SH3GL2: variants seen among roughly 807,000 people sequenced by gnomAD.
The protein encoded by SH3GL2 is SH3 domain containing GRB2 like 2, endophilin A1.
In SH3GL2, 24 loss-of-function variants were observed where a neutral mutation model predicts 46.0. That is an observed-to-expected ratio of 0.52 (90% CI 0.38 to 0.73). The LOEUF is 0.73. Ranked by LOEUF, SH3GL2 falls within the 30% of genes least tolerant of loss-of-function variation. The probability of loss-of-function intolerance (pLI) is 0.00; values close to 1 mark genes in which losing one functional copy is unlikely to be tolerated. For synonymous variants in SH3GL2, 196 were observed against 147.1 expected (o/e 1.33, Z -2.40); for missense variants, 413 against 424.2 (o/e 0.97, Z 0.23).
chr9:17,740,988 C>CTGGCAGTGTGGGAGGTATGAAT, intron 1 of SH3GL2, among the ~76,000 whole-genome samples: 1 of 151,980 alleles, frequency 6.6e-6, no homozygotes, highest in East Asian at 1.9e-4. Context: ...ACTCTAAATC[C>CTGGCAGTGTGGGAGGTATGAAT]AATTTTTAAA....
At chr9:17,715,728 G>C (rs901568655) in intron 1 of SH3GL2, among the ~76,000 whole-genome samples, 1 of 150,510 alleles carries the variant, frequency 6.6e-6, no homozygotes, top group Non-Finnish European at 1.5e-5. Flanking sequence ...ATTATGTCCA[G>C]ATAAACCTAT....
At chr9:17,672,522 A>G (rs980675733) in intron 1 of SH3GL2, among the ~76,000 whole-genome samples, 1 of 152,154 alleles carries the variant, frequency 6.6e-6, no homozygotes, top group Non-Finnish European at 1.5e-5. Flanking sequence ...TTAAGTAGGC[A>G]TTTAGTTTTC....
chr9:17,717,648 G>A (rs1044308647), intron 1 of SH3GL2, among the ~76,000 whole-genome samples: 3 of 152,056 alleles, frequency 2.0e-5, no homozygotes, highest in African/African-American at 4.8e-5. Context: ...GACAAAGCGG[G>A]GGAAGAGAAG....
In SH3GL2 at chr9:17,739,968, C is replaced by G. The variant is rs937934922; in HGVS notation, c.46-7098C>G. On this transcript the variant is annotated intron_variant, in intron 1 of 8. Transcript: ENST00000380607. ...GGCAAGGAACAAAATAGGCTGGAAG[C>G]TGGGAAAAAGGCCAAGTACTTAACT... 2.0e-5 allele frequency among the ~76,000 whole-genome samples: 3 copies of G among 152,182 alleles called. No individual in the cohort carries two copies. In the East Asian group the frequency reaches 5.8e-4, roughly 29 times the overall value.
intron 5 of SH3GL2, among the ~76,000 whole-genome samples, chr9:17,788,456 C>T (rs1426030785): frequency 1.3e-5 from 2 of 151,990 alleles, no homozygotes; most frequent in Non-Finnish European, 2.9e-5. Flanking sequence ...TTAACTACTC[C>T]CTACTTTGTT....
intron 1 of SH3GL2, among the ~76,000 whole-genome samples, chr9:17,611,093 A>G (rs1284530119): frequency 6.6e-6 from 1 of 152,176 alleles, no homozygotes; most frequent in East Asian, 1.9e-4. Context: ...GACAGATGTA[A>G]AGAACTTCTT....
chr9:17,737,643 A>G (rs1822379718), intron 1 of SH3GL2, among the ~76,000 whole-genome samples: 2 of 152,176 alleles, frequency 1.3e-5, no homozygotes, highest in Admixed American at 1.3e-4. Flanking sequence ...TTTGACTGTT[A>G]TGACCTCTTT....
intron 3 of SH3GL2, among the ~76,000 whole-genome samples, chr9:17,766,426 G>C (rs1443373585): frequency 3.9e-5 from 6 of 152,294 alleles, no homozygotes; most frequent in Non-Finnish European, 8.8e-5. Flanking sequence ...TACGATATTT[G>C]TGAGCAAAAA....
In SH3GL2 at chr9:17,622,976, G is replaced by GTTTCCTTTCC. The variant is rs1554631073; in HGVS notation, c.45+43698_45+43699insCTTTCCTTTC. 1.7e-3 allele frequency among the ~76,000 whole-genome samples: 133 copies of GTTTCCTTTCC among 78,648 alleles called. 1 individual carries two copies. Among genetic ancestry groups the GTTTCCTTTCC allele is most frequent in the African/African-American group, 3.5e-3 (83 of 23,386 alleles). 51.6% of individuals were successfully genotyped at this position (78,648 alleles called of 152,430 possible). ...CCCTTCCTCCCTCCCTTTTCCTTTC[G>GTTTCCTTTCC]TTTCCTTTCGTTTCCTTTCCTTTCC... On this transcript the variant is annotated intron_variant, in intron 1 of 8. Coordinates refer to ENST00000380607, the MANE Select transcript of SH3GL2 (RefSeq NM_003026.5).
At chr9:17,603,208 G>T (rs541717653) in intron 1 of SH3GL2, among the ~76,000 whole-genome samples, 1 of 152,160 alleles carries the variant, frequency 6.6e-6, no homozygotes, top group Non-Finnish European at 1.5e-5. Context: ...TTATTAAAAA[G>T]CCAGCATTAT....
rs1398371813 is a variant in SH3GL2 at position 17,787,447 on chromosome 9, A to G, written c.399A>G (p.Ile133Met). 3 of 1,612,724 alleles carry G rather than the reference A, an allele frequency of 1.9e-6. No homozygotes were observed. The highest frequency in any genetic ancestry group is 1.7e-5 in the Admixed American group (1 of 59,964). The change falls in exon 5 of 9, where the codon ATA (isoleucine) becomes ATG (methionine). Residue 133 changes from isoleucine (I) to methionine (M), a missense_variant. Ile to Met is a conservative substitution (Grantham distance 10). Around this residue, in one of 3 missense-constraint regions of SH3GL2, gnomAD observed 160 missense variants for 192.3 expected, o/e 0.83. Transcript: ENST00000380607. ...ELSEVKDSLD[I>M]EVKQNFIDPL... ...CGGAGGTCAAAGACTCTTTGGACAT[A>G]GAAGTGAAGCAGAACTTCATTGACC...
At chr9:17,776,580 C>T (rs977515368) in intron 3 of SH3GL2, among the ~76,000 whole-genome samples, 1 of 151,776 alleles carries the variant, frequency 6.6e-6, no homozygotes, top group African/African-American at 2.4e-5. Flanking sequence ...TTATCAGGAA[C>T]ATTGTACTTA....
At chr9:17,787,179 C>G (rs140311172) in intron 4 of SH3GL2, among the ~76,000 whole-genome samples, 71 of 152,206 alleles carry the variant, frequency 4.7e-4, no homozygotes, top group Non-Finnish European at 6.6e-4. Context: ...GTAACTGTTC[C>G]ATTCTTGATG....
rs114373646 is a variant in SH3GL2, at chr9:17,605,937, A to G, written c.45+26650A>G. On this transcript the variant is annotated intron_variant, in intron 1 of 8. Transcript: ENST00000380607. ...CAGTAACTGAACTGATAGTTTCATC[A>G]AAGTCAACACGTTATTTTTTGAACT... Among the ~76,000 whole-genome samples the G allele has an allele frequency of 6.9e-3, 1,054 of 152,252 alleles. 17 individuals carry two copies. Among genetic ancestry groups the G allele is most frequent in the African/African-American group, 0.024 (977 of 41,552 alleles).
rs754867510 is a variant in SH3GL2 at position 17,789,616 on chromosome 9, C to T, written c.624+66C>T. The T allele has an allele frequency of 4.4e-6, 7 of 1,596,372 alleles. No individual in the cohort carries two copies. The South Asian group carries it at 7.8e-5, about 18-fold the overall frequency. On this transcript the variant is annotated intron_variant, in intron 6 of 8. Transcript: ENST00000380607. ...AGGCACAACATTAATATGTTAAAGG[C>T]CATAACCCTTAAAAGCATTAATATC...
At chr9:17,771,054 T>A (rs769838371) in intron 3 of SH3GL2, among the ~76,000 whole-genome samples, 1 of 152,212 alleles carries the variant, frequency 6.6e-6, no homozygotes, top group Non-Finnish European at 1.5e-5. Context: ...GAGTTTGTGG[T>A]ACTTTGTTAT....
intron 1 of SH3GL2, among the ~76,000 whole-genome samples, chr9:17,722,236 G>C (rs762179443): frequency 7.2e-5 from 11 of 151,974 alleles, no homozygotes; most frequent in Non-Finnish European, 1.3e-4. Flanking sequence ...GCCAAGAGAA[G>C]GTAAATATGA....
intron 1 of SH3GL2, among the ~76,000 whole-genome samples, chr9:17,616,229 G>T (rs1818993669): frequency 6.6e-6 from 1 of 152,168 alleles, no homozygotes; most frequent in Non-Finnish European, 1.5e-5. Context: ...GAAGCTTTCA[G>T]ATTTGTTTAT....
intron 1 of SH3GL2, among the ~76,000 whole-genome samples, chr9:17,662,082 A>G (rs1751673395): frequency 6.6e-6 from 1 of 152,188 alleles, no homozygotes; most frequent in Admixed American, 6.5e-5. Flanking sequence ...TACAAAGTGT[A>G]TCTTGCTGAA....
Sources: gnomAD v4.1 joint callset for allele counts (sites outside exome capture counted in the v4.1 genomes callset) on GRCh38, gnomAD v4.1.1 for gene constraint, gnomAD v4.1.1 regional missense constraint, MANE v1.5 for transcripts, NCBI Gene and HGNC (gene_info 2026-07-23, HGNC 2026-07-21) for gene names.